DIAPH3: variants seen among roughly 807,000 people sequenced by gnomAD.
The protein encoded by DIAPH3 is protein diaphanous homolog 3.
In DIAPH3, 117 loss-of-function variants were observed where a neutral mutation model predicts 144.3. The ratio of observed to expected loss-of-function variants is 0.81; its 90% CI spans 0.70 to 0.95. DIAPH3 has a LOEUF of 0.95. DIAPH3 is among the 40% of genes least tolerant of loss of function. The pLI, the probability that DIAPH3 is intolerant of heterozygous loss-of-function variation, is 0.00. For missense variants in DIAPH3, 1,421 were observed against 1,412.7 expected, an observed-to-expected ratio of 1.01 and a Z score of -0.09; for synonymous variants, 519 against 488.9, an observed-to-expected ratio of 1.06 and a Z score of -0.81.
intron 3 of DIAPH3, 139 bp downstream of exon 3, chr13:60,111,871 T>G: frequency 1.2e-6 from 1 of 808,210 alleles, no homozygotes; most frequent in East Asian, 2.7e-5. Context: ...AAAAACTCTT[T>G]GTGGCTGAAG....
chr13:60,008,552 G>T lies in DIAPH3; in HGVS notation c.1006C>A (p.Gln336Lys), dbSNP rs942172273. 10 of 1,610,850 alleles carry T rather than the reference G, an allele frequency of 6.2e-6. No homozygotes were observed. Among genetic ancestry groups the T allele is most frequent in the Middle Eastern group, 1.7e-4 (1 of 5,770 alleles). Residue 336 changes from glutamine to lysine, a missense_variant, in exon 9 of 28, where the codon CAA becomes AAA. Physicochemically the swap from Gln to Lys is moderately conservative, Grantham distance 53. Coordinates refer to ENST00000400324, the MANE Select transcript of DIAPH3 (RefSeq NM_001042517.2). ...ATACACACAAAACTTACTTGCAGTT[G>T]AACTGAATTGTGCCGGAGGCCTTCC... is the stretch of plus-strand genomic sequence containing the variant. ...IVEGLRHNSV[Q>K]LQVACMQLIN...
intron 20 of DIAPH3, among the ~76,000 whole-genome samples, chr13:59,892,247 C>T (rs1359373010): frequency 6.6e-6 from 1 of 151,668 alleles, no homozygotes; most frequent in East Asian, 1.9e-4. Context: ...GGCATTTGGG[C>T]CCAAGAGGAA....
At chr13:59,832,125 G>C (rs900961336) in intron 24 of DIAPH3, among the ~76,000 whole-genome samples, 1 of 151,738 alleles carries the variant, frequency 6.6e-6, no homozygotes, top group Non-Finnish European at 1.5e-5. Flanking sequence ...ACACATACAG[G>C]TATATCATAT....
chr13:60,110,845 C>T lies in DIAPH3; in HGVS notation c.390+1165G>A, dbSNP rs116979460. On this transcript the variant is annotated intron_variant, in intron 3 of 27. Coordinates refer to ENST00000400324, the MANE Select transcript of DIAPH3 (RefSeq NM_001042517.2). ...TCAAAAATGCTGATATTCATCTGAC[C>T]TCTAAATAATATTAAAATATATAGT... Among the ~76,000 whole-genome samples the T allele has an allele frequency of 6.6e-3, 1,003 of 152,264 alleles. 5 individuals are homozygous for T. The highest frequency in any genetic ancestry group is 0.01 in the Non-Finnish European group (712 of 68,026).
At chr13:59,917,889 C>CAA (rs60792156) in intron 18 of DIAPH3, among the ~76,000 whole-genome samples, 580 of 18,628 alleles carry the variant, frequency 0.031, 121 homozygotes, top group Non-Finnish European at 0.05. Flanking sequence ...GACTCTGTCT[C>CAA]AAAAAAAAAA....
chr13:59,945,944 T>C (rs912437), intron 17 of DIAPH3, among the ~76,000 whole-genome samples: 84,258 of 152,006 alleles, frequency 0.55, 23,889 homozygotes, highest in Admixed American at 0.61. Flanking sequence ...GAAGAAAAAA[T>C]GAAGACGAAC....
intron 4 of DIAPH3, among the ~76,000 whole-genome samples, chr13:60,082,339 A>G (rs951019165): frequency 1.3e-5 from 2 of 151,672 alleles, no homozygotes; most frequent in African/African-American, 2.4e-5. Flanking sequence ...CAACATACAG[A>G]TAACAGAATC....
intron 27 of DIAPH3, among the ~76,000 whole-genome samples, chr13:59,667,166 TA>T (rs1473769259): frequency 3.9e-5 from 6 of 152,338 alleles, no homozygotes; most frequent in Non-Finnish European, 8.8e-5. Context: ...AAACACCACC[TA>T]AAAAGAGAGG....
chr13:59,751,266 T>C (rs1440157324), intron 27 of DIAPH3, among the ~76,000 whole-genome samples: 1 of 152,218 alleles, frequency 6.6e-6, no homozygotes, highest in Non-Finnish European at 1.5e-5. Flanking sequence ...AAAATAGCCA[T>C]AGATCAGGCT....
intron 27 of DIAPH3, among the ~76,000 whole-genome samples, chr13:59,709,625 G>C (rs2034624630): frequency 6.6e-6 from 1 of 152,170 alleles, no homozygotes; most frequent in Non-Finnish European, 1.5e-5. Flanking sequence ...GGAGAAATAG[G>C]AACACTTTTA....
At chr13:59,865,065 C>T (rs2043835184) in intron 21 of DIAPH3, among the ~76,000 whole-genome samples, 1 of 151,970 alleles carries the variant, frequency 6.6e-6, no homozygotes, top group Non-Finnish European at 1.5e-5. Flanking sequence ...AGAGATTCTT[C>T]ATTTATGCTC....
At chr13:59,843,260 G>C (rs1049923901) in intron 22 of DIAPH3, among the ~76,000 whole-genome samples, 1 of 152,160 alleles carries the variant, frequency 6.6e-6, no homozygotes, top group Admixed American at 6.5e-5. Flanking sequence ...TCTGGTCAGA[G>C]GGCAGAATTC....
At chr13:59,717,219 A>G (rs1042912610) in intron 27 of DIAPH3, among the ~76,000 whole-genome samples, 1 of 152,250 alleles carries the variant, frequency 6.6e-6, no homozygotes, top group African/African-American at 2.4e-5. Context: ...AATCATTAAA[A>G]TGTTAAGAAT....
chr13:59,859,072 C>T (rs944995962), intron 22 of DIAPH3, among the ~76,000 whole-genome samples: 1 of 152,034 alleles, frequency 6.6e-6, no homozygotes, highest in Admixed American at 6.6e-5. Context: ...TAAAATACTC[C>T]AAAGCAAACA....
intron 25 of DIAPH3, among the ~76,000 whole-genome samples, chr13:59,780,166 C>A (rs891929325): frequency 1.3e-5 from 2 of 151,744 alleles, no homozygotes; most frequent in Non-Finnish European, 2.9e-5. Context: ...GATACCTAGG[C>A]CCCAAAGGTA....
At chr13:59,759,852 AAGG>A (rs143370536) in intron 27 of DIAPH3, among the ~76,000 whole-genome samples, 3,639 of 152,050 alleles carry the variant, frequency 0.024, 70 homozygotes, top group Non-Finnish European at 0.035. Context: ...AGGCTGAGGC[AAGG>A]AGAATTGCTT....
chr13:59,810,579 C>T (rs903757190), intron 25 of DIAPH3, among the ~76,000 whole-genome samples: 41 of 152,148 alleles, frequency 2.7e-4, no homozygotes, highest in African/African-American at 9.9e-4. Flanking sequence ...ACCAAATCAC[C>T]TATGACCAAC....
At chr13:59,725,390 C>G (rs7338340) in intron 27 of DIAPH3, among the ~76,000 whole-genome samples, 6,509 of 152,268 alleles carry the variant, frequency 0.043, 234 homozygotes, top group Admixed American at 0.1. Context: ...AAGGTCCAGA[C>G]TGGCATGAAT....
At position 59,861,483 on chromosome 13, in the gene DIAPH3, T is replaced by C; in HGVS notation, c.2661A>G (p.Val887=). Residue 887 remains valine, a synonymous_variant, in exon 22 of 28, where the codon GTA becomes GTG. Coordinates refer to ENST00000400324, the MANE Select transcript of DIAPH3 (RefSeq NM_001042517.2). ...DQKTTLLHFL[V]EICEEKYPDI... ...CAGGGTACTTCTCTTCACATATTTC[T>C]ACCAGGAAATGAAGTAGCGTTGTTT... 3.1e-6 allele frequency: 5 copies of C among 1,613,856 alleles called. No homozygotes were observed. Among genetic ancestry groups the C allele is most frequent in the Non-Finnish European group, 3.4e-6 (4 of 1,179,880 alleles).
Sources: allele counts gnomAD v4.1 joint callset (sites outside exome capture counted in the v4.1 genomes callset), GRCh38; gene constraint gnomAD v4.1.1; transcripts MANE v1.5; gene names NCBI Gene and HGNC (gene_info 2026-07-23, HGNC 2026-07-21).